Variants in WARS1 observed in about 807,000 individuals in gnomAD.
WARS1 encodes tryptophan--tRNA ligase, cytoplasmic.
In WARS1, 17 loss-of-function variants were observed where a neutral mutation model predicts 47.8. The ratio of observed to expected loss-of-function variants is 0.36; its 90% CI spans 0.24 to 0.53. The LOEUF is 0.53. Ranked by LOEUF, WARS1 falls within the 20% of genes least tolerant of loss-of-function variation. The pLI is 0.91. For missense variants in WARS1, 434 were observed against 608.0 expected, an observed-to-expected ratio of 0.71 and a Z score of 3.01; for synonymous variants, 208 against 228.1, an observed-to-expected ratio of 0.91 and a Z score of 0.79.
chr14:100,362,233 T>C (rs1291490669), intron 2 of WARS1, among the ~76,000 whole-genome samples: 1 of 152,230 alleles, frequency 6.6e-6, no homozygotes, highest in African/African-American at 2.4e-5. Context: ...TACACTGTCA[T>C]TTATGACAAA....
chr14:100,372,468 G>A (rs927219222), intron 1 of WARS1, among the ~76,000 whole-genome samples: 6 of 152,184 alleles, frequency 3.9e-5, no homozygotes, highest in African/African-American at 1.2e-4. Context: ...CAGAAAGGGA[G>A]GTTTGGTGAG....
chr14:100,345,811 C>A (rs550543011), intron 7 of WARS1, among the ~76,000 whole-genome samples: 3 of 152,376 alleles, frequency 2.0e-5, no homozygotes, highest in Admixed American at 2.0e-4. Context: ...CTCTCTATGG[C>A]CCGACAGGTG....
At chr14:100,358,258 G>A (rs958542794) in intron 4 of WARS1, among the ~76,000 whole-genome samples, 4 of 151,888 alleles carry the variant, frequency 2.6e-5, no homozygotes, top group African/African-American at 9.7e-5. Context: ...TCAGCCTCCC[G>A]AGTAGCTGGG....
chr14:100,367,673 C>T (rs548807421), intron 2 of WARS1, among the ~76,000 whole-genome samples: 4 of 145,664 alleles, frequency 2.7e-5, no homozygotes, highest in Admixed American at 6.8e-5. Flanking sequence ...TTTCAGAACA[C>T]GGGAACAAAG....
intron 7 of WARS1, among the ~76,000 whole-genome samples, chr14:100,345,722 G>C (rs569604987): frequency 2.0e-5 from 3 of 152,230 alleles, no homozygotes; most frequent in African/African-American, 7.2e-5. Flanking sequence ...ATATTTAAAA[G>C]TGTTTAGTGT....
intron 9 of WARS1, among the ~76,000 whole-genome samples, chr14:100,338,464 G>T (rs1057355346): frequency 2.0e-5 from 3 of 152,048 alleles, no homozygotes; most frequent in African/African-American, 7.2e-5. Flanking sequence ...ACCAGGTTTT[G>T]TCGTGTAGTC....
intron 10 of WARS1, 74 bp from the exon 11 acceptor site, chr14:100,335,110 A>G (rs1893627432): frequency 6.7e-7 from 1 of 1,499,174 alleles, no homozygotes. Context: ...CTCGGGCACC[A>G]GCTCAGCCCA....
At chr14:100,347,796 CA>C (rs1894723902) in intron 6 of WARS1, among the ~76,000 whole-genome samples, 1 of 152,192 alleles carries the variant, frequency 6.6e-6, no homozygotes, top group Non-Finnish European at 1.5e-5. Flanking sequence ...AGGCTGGTCT[CA>C]AACTCCTGAC....
At chr14:100,358,407 C>T (rs1178140580) in intron 4 of WARS1, among the ~76,000 whole-genome samples, 4 of 152,310 alleles carry the variant, frequency 2.6e-5, no homozygotes, top group Admixed American at 6.5e-5. Flanking sequence ...GCTGGGATTA[C>T]AGACATGAGC....
At chr14:100,366,786 T>G in intron 2 of WARS1, 3 of 1,185,490 alleles carry the variant, frequency 2.5e-6, no homozygotes, top group Non-Finnish European at 3.8e-6. Context: ...TGAAGATACA[T>G]GGGTGGCTTT....
chr14:100,369,240 TTCA>T lies in WARS1; in HGVS notation c.-58_-56del. ...AGCCGGCCTGAGGTCAGAGGATTTGTTCAGCAGACGAGTCAAGACTGGGGTGGG... is the reference window on the plus strand; with the variant it reads ...AGCCGGCCTGAGGTCAGAGGATTTGTGCAGACGAGTCAAGACTGGGGTGGG... On this transcript the variant is annotated 5_prime_UTR_variant, in exon 2 of 11. Coordinates refer to ENST00000392882, the MANE Select transcript of WARS1 (RefSeq NM_004184.4). The T allele has an allele frequency of 7.8e-7, 1 of 1,276,332 alleles. No homozygotes were observed. The highest frequency in any genetic ancestry group is 1.0e-6 in the Non-Finnish European group (1 of 978,990). The allele number at this position is 1,276,332 out of a possible 1,614,324, so 79.1% of individuals were successfully genotyped here. A position where few individuals can be genotyped will look rare whatever the true frequency, so the allele number is the denominator to read the frequency against.
rs887646311 is a variant in WARS1, at chr14:100,373,382, C to G, written c.-74+1901G>C. ...CTCCTCCAGGTCTCCCAACCTTAGT[C>G]TGTTTTCTTCACCCTCTGCTAACAT... On this transcript the variant is annotated intron_variant, in intron 1 of 10. Coordinates refer to ENST00000392882, the MANE Select transcript of WARS1 (RefSeq NM_004184.4). This position sits in a 1 kb window ranked among gnomAD's most constrained non-coding sequence, Gnocchi z 4.4. 6.6e-5 allele frequency among the ~76,000 whole-genome samples: 10 copies of G among 152,108 alleles called. No individual in the cohort carries two copies. The highest frequency in any genetic ancestry group is 2.4e-4 in the African/African-American group (10 of 41,400).
In WARS1 at chr14:100,358,421, T is replaced by C. The variant is rs111443994; in HGVS notation, c.422+2133A>G. Among the ~76,000 whole-genome samples the C allele has an allele frequency of 3.6e-3, 549 of 152,262 alleles. 4 individuals carry two copies. Among genetic ancestry groups the C allele is most frequent in the African/African-American group, 0.012 (507 of 41,554 alleles). ...TGCTGGGATTACAGACATGAGCCAC[T>C]GCGCCCAGCCAAGAATAGTCTTTTC... On this transcript the variant is annotated intron_variant, in intron 4 of 10. Transcript: ENST00000392882.
chr14:100,364,426 C>T (rs1895833787), intron 2 of WARS1, among the ~76,000 whole-genome samples: 1 of 152,150 alleles, frequency 6.6e-6, no homozygotes, highest in Non-Finnish European at 1.5e-5. Context: ...AGATAAATGG[C>T]AGGAGAAGAA....
At chr14:100,349,567 GC>G (rs1401181820) in intron 6 of WARS1, among the ~76,000 whole-genome samples, 6 of 152,166 alleles carry the variant, frequency 3.9e-5, no homozygotes, top group Admixed American at 2.0e-4. Context: ...CTGCTATGCT[GC>G]CCCCCACTAG....
chr14:100,338,649 G>A (rs1177226078), intron 9 of WARS1, among the ~76,000 whole-genome samples: 1 of 151,344 alleles, frequency 6.6e-6, no homozygotes, highest in Non-Finnish European at 1.5e-5. Flanking sequence ...GGCCAGGCTG[G>A]TCTTGAACTC....
At chr14:100,335,122 A>C in intron 10 of WARS1, 86 bp from the exon 11 acceptor site, 1 of 1,404,766 alleles carries the variant, frequency 7.1e-7, no homozygotes, top group Non-Finnish European at 9.8e-7. Flanking sequence ...CTCAGCCCAC[A>C]CCACCCATGC....
At chr14:100,355,053 C>G (rs1305873237) in intron 4 of WARS1, among the ~76,000 whole-genome samples, 2 of 152,094 alleles carry the variant, frequency 1.3e-5, no homozygotes, top group Admixed American at 1.3e-4. Flanking sequence ...AGTTGGAGAT[C>G]TATCTGGGCC....
chr14:100,365,305 C>T (rs924886215), intron 2 of WARS1, among the ~76,000 whole-genome samples: 4 of 151,896 alleles, frequency 2.6e-5, no homozygotes, highest in East Asian at 1.9e-4. Context: ...TCGGGCCGGG[C>T]GTGGTGGCTC....
Sources: gnomAD v4.1 joint callset for allele counts (sites outside exome capture counted in the v4.1 genomes callset) on GRCh38, gnomAD v4.1.1 for gene constraint, Gnocchi (gnomAD v3.1) non-coding constraint, MANE v1.5 for transcripts, NCBI Gene and HGNC (gene_info 2026-07-23, HGNC 2026-07-21) for gene names.